PLEKHA7: variants seen among roughly 807,000 people sequenced by gnomAD.
The protein encoded by PLEKHA7 is pleckstrin homology domain containing A7.
Under a neutral mutation model 170.0 loss-of-function variants are expected in PLEKHA7, and 104 were observed. The observed-to-expected ratio is 0.61, with a 90% CI of 0.52 to 0.72. The LOEUF (loss-of-function observed/expected upper bound fraction) is 0.72, where lower values mean the gene tolerates loss of function less well. PLEKHA7 is among the 30% of genes least tolerant of loss of function. The pLI is 0.00. For missense variants in PLEKHA7, 1,615 were observed against 1,671.7 expected (o/e 0.97, Z 0.59); for synonymous variants, 648 against 660.8 (o/e 0.98, Z 0.30).
chr11:16,864,492 A>C (rs1854225119), intron 4 of PLEKHA7, among the ~76,000 whole-genome samples: 1 of 152,230 alleles, frequency 6.6e-6, no homozygotes, highest in African/African-American at 2.4e-5. Flanking sequence ...ACTGTCTGAT[A>C]CAGTTTGGCT....
chr11:16,911,013 C>T (rs1015333581), intron 3 of PLEKHA7, among the ~76,000 whole-genome samples: 6 of 152,222 alleles, frequency 3.9e-5, no homozygotes, highest in African/African-American at 1.4e-4. Flanking sequence ...GATTCTGAAA[C>T]ATTCCTATAT....
chr11:16,815,113 C>A lies in PLEKHA7; in HGVS notation c.1953+1065G>T, dbSNP rs139127278. 6.6e-3 allele frequency: 1,012 copies of A among 152,942 alleles called. 2 individuals are homozygous for A. The highest frequency in any genetic ancestry group is 0.011 in the Non-Finnish European group (729 of 68,198). 9.5% of individuals were successfully genotyped at this position (152,942 alleles called of 1,614,324 possible). A position where few individuals can be genotyped will look rare whatever the true frequency, so the allele number is the denominator to read the frequency against. ...AGACAGACCAGAGCATGGGCACGAG[C>A]GAACGCGAGCCAGCATGTCACTCCC... is the stretch of plus-strand genomic sequence containing the variant. On this transcript the variant is annotated intron_variant, in intron 12 of 26. Transcript: ENST00000531066.
At chr11:16,824,128 A>T (rs1459200376) in intron 10 of PLEKHA7, among the ~76,000 whole-genome samples, 1 of 152,106 alleles carries the variant, frequency 6.6e-6, no homozygotes, top group Admixed American at 6.6e-5. Flanking sequence ...GGCAGGGGGG[A>T]GTAGGGATGC....
At chr11:16,941,339 A>G (rs1457531549) in intron 3 of PLEKHA7, among the ~76,000 whole-genome samples, 3 of 152,154 alleles carry the variant, frequency 2.0e-5, no homozygotes, top group Admixed American at 2.0e-4. Context: ...CTCATTATCT[A>G]TCTTTGGGCT....
intron 3 of PLEKHA7, among the ~76,000 whole-genome samples, chr11:16,946,630 A>C (rs1403207607): frequency 6.6e-6 from 1 of 152,138 alleles, no homozygotes; most frequent in African/African-American, 2.4e-5. Context: ...CTCCTTCAGT[A>C]CCTAATTAGA....
chr11:16,858,003 G>A (rs545276463), intron 4 of PLEKHA7, among the ~76,000 whole-genome samples: 1 of 152,362 alleles, frequency 6.6e-6, no homozygotes, highest in South Asian at 2.1e-4. Flanking sequence ...ACAGGTGTGA[G>A]CCACAGCACC....
chr11:16,800,215 C>A (rs1420591445), intron 17 of PLEKHA7, among the ~76,000 whole-genome samples: 3 of 152,152 alleles, frequency 2.0e-5, no homozygotes, highest in East Asian at 1.9e-4. Flanking sequence ...GAGAAAAAAA[C>A]AGGTTATTTT....
chr11:16,984,565 C>T (rs1283746718), intron 3 of PLEKHA7, among the ~76,000 whole-genome samples: 5 of 152,134 alleles, frequency 3.3e-5, no homozygotes, highest in Admixed American at 3.3e-4. Flanking sequence ...CAGATCTCTA[C>T]CCAAATGTCA....
chr11:16,901,467 T>C (rs183316824), intron 3 of PLEKHA7, among the ~76,000 whole-genome samples: 2 of 152,360 alleles, frequency 1.3e-5, no homozygotes, highest in East Asian at 3.9e-4. Flanking sequence ...TAGCAACTCA[T>C]TTATTTAGGT....
intron 3 of PLEKHA7, among the ~76,000 whole-genome samples, chr11:16,907,258 T>TG (rs1428303679): frequency 9.3e-5 from 12 of 129,004 alleles, no homozygotes; most frequent in South Asian, 2.7e-4. Context: ...GGGAAGGATG[T>TG]GGGGGGGTCA....
intron 18 of PLEKHA7, 92 bp from the exon 19 acceptor site, chr11:16,794,806 A>C: frequency 6.6e-7 from 1 of 1,521,710 alleles, no homozygotes; most frequent in Non-Finnish European, 9.1e-7. Flanking sequence ...TCGAAGACTC[A>C]ACCTCCCCAA....
At chr11:16,919,891 C>T (rs919251828) in intron 3 of PLEKHA7, among the ~76,000 whole-genome samples, 1 of 152,172 alleles carries the variant, frequency 6.6e-6, no homozygotes, top group African/African-American at 2.4e-5. Context: ...TCTCTTCCTT[C>T]TTCACAAAGG....
At chr11:16,795,125 C>A (rs1590142905) in intron 17 of PLEKHA7, 107 bp from the exon 18 acceptor site, 1 of 805,134 alleles carries the variant, frequency 1.2e-6, no homozygotes, top group Non-Finnish European at 2.1e-6. Flanking sequence ...GGGGCAGCAT[C>A]CCCTCTGGAA....
chr11:16,817,035 C>T lies in PLEKHA7; in HGVS notation c.1631G>A (p.Gly544Asp), dbSNP rs768861538. Residue 544 changes from glycine (G) to aspartate (D), a missense_variant, in exon 11 of 27, where the codon GGC (glycine) becomes GAC (aspartate). Coordinates refer to ENST00000531066, the MANE Select transcript of PLEKHA7 (RefSeq NM_001329630.2). The surrounding 1 kb of genome is among the most constrained non-coding windows in gnomAD (Gnocchi z 4.4). The stretch of plus-strand genomic sequence containing the variant: ...GCCCTGGTCGGTGAACTCTGGGGAG[C>T]CAAGGCAGATGGGCGCTGTGGGGCT... ...HGSPTAPICL[G>D]SPEFTDQGRS... The T allele has an allele frequency of 6.2e-7, 1 of 1,606,022 alleles. No individual in the cohort carries two copies. Among genetic ancestry groups the T allele is most frequent in the Non-Finnish European group, 8.5e-7 (1 of 1,175,368 alleles).
rs1365720646 is a variant in PLEKHA7, at chr11:16,819,419, G to GA, written c.1344-2098dup. On this transcript the variant is annotated intron_variant, in intron 10 of 26. Transcript: ENST00000531066. ...AGCCTCCAACTTATTTTCTGAGAAG[G>GA]AAAAAAAATTAAGCAAGGGACAAAG... Among the ~76,000 whole-genome samples, 10 of 151,882 alleles carry GA rather than the reference G, an allele frequency of 6.6e-5. No individual in the cohort carries two copies. In the East Asian group the frequency reaches 1.9e-3, roughly 29 times the overall value.
At chr11:16,914,589 T>C (rs1403951985) in intron 3 of PLEKHA7, among the ~76,000 whole-genome samples, 3 of 152,206 alleles carry the variant, frequency 2.0e-5, no homozygotes, top group Non-Finnish European at 2.9e-5. Flanking sequence ...CCAACTACAA[T>C]GTGCCTAAGT....
chr11:16,885,953 C>T (rs1860271), intron 3 of PLEKHA7, among the ~76,000 whole-genome samples: 44,820 of 150,692 alleles, frequency 0.3, 8,053 homozygotes, highest in East Asian at 0.62. Context: ...GCTGAGATCG[C>T]GCCACTGCAC....
At chr11:17,009,714 T>C (rs1865211162) in intron 3 of PLEKHA7, among the ~76,000 whole-genome samples, 1 of 152,042 alleles carries the variant, frequency 6.6e-6, no homozygotes, top group South Asian at 2.1e-4. Context: ...TAGCTCATGG[T>C]AAACTCAGAC....
rs80148514 is a variant in PLEKHA7 at position 16,901,916 on chromosome 11, T to C, written c.222-30734A>G. On this transcript the variant is annotated intron_variant, in intron 3 of 26. Transcript: ENST00000531066. ...TACAATGCAATGGCTTTTAGTATAC[T>C]GAGAGTTATACGATCATCACCCCAA... Among the ~76,000 whole-genome samples the C allele has an allele frequency of 7.1e-3, 1,074 of 152,252 alleles. 15 individuals are homozygous for C. Among genetic ancestry groups the C allele is most frequent in the African/African-American group, 0.024 (997 of 41,522 alleles).
Sources: gnomAD v4.1 joint callset for allele counts (sites outside exome capture counted in the v4.1 genomes callset) on GRCh38, gnomAD v4.1.1 for gene constraint, Gnocchi (gnomAD v3.1) non-coding constraint, MANE v1.5 for transcripts, NCBI Gene and HGNC (gene_info 2026-07-23, HGNC 2026-07-21) for gene names.